The following CDH23 variants were observed in gnomAD, a reference collection of about 807,000 sequenced individuals.
The protein encoded by CDH23 is cadherin-23.
CDH23 carries 189 observed loss-of-function variants against 317.1 expected under a neutral mutation model. The ratio of observed to expected loss-of-function variants is 0.60; its 90% CI spans 0.53 to 0.67. CDH23 has a LOEUF of 0.67. CDH23 is among the 30% of genes least tolerant of loss of function. The pLI, the probability that CDH23 is intolerant of heterozygous loss-of-function variation, is 0.00. For missense variants in CDH23, 4,401 were observed against 4,592.4 expected (o/e 0.96, Z 1.20); for synonymous variants, 1,839 against 1,876.8 (o/e 0.98, Z 0.52).
At chr10:71,649,862 T>G (rs568038660) in intron 14 of CDH23, among the ~76,000 whole-genome samples, 12 of 152,214 alleles carry the variant, frequency 7.9e-5, no homozygotes, top group Non-Finnish European at 1.6e-4. Flanking sequence ...ATTCTCACTT[T>G]ACAGATGAGG....
At chr10:71,773,403 G>T in intron 38 of CDH23, 2 of 1,609,184 alleles carry the variant, frequency 1.2e-6, no homozygotes, top group Middle Eastern at 1.7e-4. Context: ...GATCCCCAGC[G>T]CCAGCTGCCG....
chr10:71,561,776 G>A (rs1349743353), intron 6 of CDH23, among the ~76,000 whole-genome samples: 6 of 152,096 alleles, frequency 3.9e-5, no homozygotes, highest in Non-Finnish European at 7.3e-5. Flanking sequence ...GAAGGCATGG[G>A]TGTACATTTG....
Position 71,618,055 on chromosome 10 carries a change from C to T in CDH23, c.1134+662C>T, listed in dbSNP as rs80210004. Among the ~76,000 whole-genome samples the T allele has an allele frequency of 7.7e-3, 1,170 of 152,248 alleles. 17 individuals carry two copies. The highest frequency in any genetic ancestry group is 0.027 in the African/African-American group (1,106 of 41,556). On this transcript the variant is annotated intron_variant, in intron 11 of 69. Transcript: ENST00000224721. ...TTCACACACCCTGATGGATCATCTG[C>T]TGCCCTCTTTGGGATGCCTGTACCC...
chr10:71,646,014 G>T, intron 13 of CDH23, 34 bp downstream of exon 13: 2 of 1,596,988 alleles, frequency 1.3e-6, no homozygotes, highest in Non-Finnish European at 1.7e-6. Flanking sequence ...TTGGAGTGGG[G>T]TGGGGGGTGG....
chr10:71,777,995 T>C, intron 39 of CDH23, 94 bp downstream of exon 39: 4 of 1,485,324 alleles, frequency 2.7e-6, no homozygotes, highest in East Asian at 2.4e-5. Context: ...GGAGCAAAGA[T>C]GCAGTCTAGG....
chr10:71,568,331 C>T (rs986070114), intron 7 of CDH23, among the ~76,000 whole-genome samples: 7 of 152,212 alleles, frequency 4.6e-5, no homozygotes, highest in African/African-American at 1.7e-4. Context: ...CCCACACATG[C>T]GCTGCCCCTC....
Position 71,462,857 on chromosome 10 carries a change from A to G in CDH23, c.145+16462A>G, listed in dbSNP as rs979815689. 8.5e-5 allele frequency among the ~76,000 whole-genome samples: 13 copies of G among 152,176 alleles called. No homozygotes were observed. In the East Asian group the frequency reaches 2.5e-3, roughly 29 times the overall value. ...CAGTCCTAGGTCGGCCTCAGTCCCCACTCAATCTTCAGACACAGGCAACCA... is the reference window on the plus strand; with the variant it reads ...CAGTCCTAGGTCGGCCTCAGTCCCCGCTCAATCTTCAGACACAGGCAACCA... On this transcript the variant is annotated intron_variant, in intron 3 of 69. Coordinates refer to ENST00000224721, the MANE Select transcript of CDH23 (RefSeq NM_022124.6).
intron 46 of CDH23, 25 bp from the exon 47 acceptor site, chr10:71,791,107 C>T: frequency 3.2e-6 from 5 of 1,581,176 alleles, no homozygotes; most frequent in Non-Finnish European, 2.6e-6. Context: ...TGTGTGTTTC[C>T]CTGGCTGGCG....
At chr10:71,409,822 C>CT (rs766946519) in intron 1 of CDH23, among the ~76,000 whole-genome samples, 9 of 152,184 alleles carry the variant, frequency 5.9e-5, no homozygotes, top group Non-Finnish European at 1.2e-4. Context: ...GCCCTGAAGT[C>CT]TTAGAACCAG....
chr10:71,571,021 G>A, intron 8 of CDH23, 103 bp downstream of exon 8: 1 of 1,338,548 alleles, frequency 7.5e-7, no homozygotes, highest in Non-Finnish European at 1.0e-6. Context: ...GCTCCTCCTT[G>A]GCTCCTCCGC....
chr10:71,746,736 G>A (rs962368515), intron 38 of CDH23, among the ~76,000 whole-genome samples: 1 of 152,178 alleles, frequency 6.6e-6, no homozygotes, highest in African/African-American at 2.4e-5. Flanking sequence ...TCCCTGCCAC[G>A]TGAATTGCAG....
chr10:71,806,410 C>T, intron 57 of CDH23, 129 bp downstream of exon 57: 2 of 674,180 alleles, frequency 3.0e-6, no homozygotes, highest in Non-Finnish European at 5.4e-6. Context: ...TCTGCATGCA[C>T]TTCATGCAAG....
chr10:71,713,528 G>C (rs1866078226), intron 28 of CDH23: 1 of 518,436 alleles, frequency 1.9e-6, no homozygotes, highest in African/African-American at 1.9e-5. Flanking sequence ...TCCCCTCCCT[G>C]CATCGGGACC....
chr10:71,645,807 G>T, intron 12 of CDH23, 24 bp from the exon 13 acceptor site: 3 of 1,603,870 alleles, frequency 1.9e-6, no homozygotes, highest in African/African-American at 1.3e-5. Flanking sequence ...TTCCTGACTG[G>T]CTTCTTCTGC....
intron 38 of CDH23, among the ~76,000 whole-genome samples, chr10:71,747,259 G>T (rs557845852): frequency 9.8e-5 from 15 of 152,352 alleles, no homozygotes; most frequent in African/African-American, 1.4e-4. Context: ...TGCCTATCAG[G>T]AGTCCTCTAG....
intron 34 of CDH23, among the ~76,000 whole-genome samples, chr10:71,735,977 C>T (rs535301592): frequency 9.2e-5 from 14 of 152,396 alleles, no homozygotes; most frequent in African/African-American, 3.1e-4. Flanking sequence ...TACTGAGCCT[C>T]ACCCTCTTCA....
At chr10:71,452,312 G>T (rs1007693969) in intron 3 of CDH23, among the ~76,000 whole-genome samples, 12 of 152,218 alleles carry the variant, frequency 7.9e-5, no homozygotes, top group African/African-American at 2.4e-4. Context: ...TGCCCTGGAG[G>T]GGGGCAGGGT....
chr10:71,738,696 C>T (rs902041595), intron 35 of CDH23, 49 bp downstream of exon 35: 13 of 1,593,018 alleles, frequency 8.2e-6, no homozygotes, highest in Non-Finnish European at 1.1e-5. Context: ...AGCGGGGCTC[C>T]CACAGCTCTC....
At chr10:71,783,412 A>T (rs1273302471) in intron 41 of CDH23, among the ~76,000 whole-genome samples, 1 of 152,260 alleles carries the variant, frequency 6.6e-6, no homozygotes, top group Non-Finnish European at 1.5e-5. Context: ...TAAGACCCAG[A>T]GTGCTGGGTT....
Sources: gnomAD v4.1 joint callset for allele counts (sites outside exome capture counted in the v4.1 genomes callset) on GRCh38, gnomAD v4.1.1 for gene constraint, MANE v1.5 for transcripts, NCBI Gene and HGNC (gene_info 2026-07-23, HGNC 2026-07-21) for gene names.